Variants in CTBP2 observed in about 807,000 individuals in gnomAD.
CTBP2 encodes the protein C-terminal binding protein 2.
CTBP2 carries 30 observed loss-of-function variants against 80.3 expected under a neutral mutation model. That is an observed-to-expected ratio of 0.37 (90% CI 0.28 to 0.51). The LOEUF (loss-of-function observed/expected upper bound fraction) is 0.51. Ranked by LOEUF, CTBP2 falls within the 20% of genes least tolerant of loss-of-function variation. CTBP2 has a pLI of 0.93. For synonymous variants in CTBP2, 594 were observed against 587.4 expected (o/e 1.01, Z -0.16); for missense variants, 1,212 against 1,375.3 (o/e 0.88, Z 1.88).
At chr10:124,995,758 C>T (rs923246719) in intron 4 of CTBP2, among the ~76,000 whole-genome samples, 2 of 152,222 alleles carry the variant, frequency 1.3e-5, no homozygotes, top group Non-Finnish European at 2.9e-5. Flanking sequence ...TCACCCTTTA[C>T]AGCAGGCAGG....
At chr10:125,150,855 G>A (rs1859709358) in intron 1 of CTBP2, among the ~76,000 whole-genome samples, 1 of 149,378 alleles carries the variant, frequency 6.7e-6, no homozygotes, top group African/African-American at 2.5e-5. Flanking sequence ...CTCCTGTTTG[G>A]AAGCCTGAGG....
intron 2 of CTBP2, among the ~76,000 whole-genome samples, chr10:125,063,597 G>A (rs1844170138): frequency 6.6e-6 from 1 of 152,150 alleles, no homozygotes; most frequent in African/African-American, 2.4e-5. Context: ...AAAATTAATT[G>A]CCACATAAAA....
chr10:125,154,112 C>A (rs897172661), intron 1 of CTBP2, among the ~76,000 whole-genome samples: 3 of 152,214 alleles, frequency 2.0e-5, no homozygotes, highest in African/African-American at 7.2e-5. Context: ...TGTTTTAATG[C>A]AAGAAGCACA....
upstream of CTBP2, chr10:125,032,744 G>C (rs912083150): frequency 1.9e-5 from 3 of 154,818 alleles, 1 homozygote; most frequent in Admixed American, 2.0e-4. Flanking sequence ...CAATGGTGAT[G>C]GACGGCTGGC....
chr10:125,115,999 A>C (rs1322242635), intron 1 of CTBP2, among the ~76,000 whole-genome samples: 1 of 152,158 alleles, frequency 6.6e-6, no homozygotes, highest in African/African-American at 2.4e-5. Context: ...TGCAACATCA[A>C]CTATGACCTC....
At chr10:125,064,647 T>C (rs1844354124) in intron 2 of CTBP2, among the ~76,000 whole-genome samples, 1 of 152,240 alleles carries the variant, frequency 6.6e-6, no homozygotes, top group South Asian at 2.1e-4. Context: ...TCAGGACAAC[T>C]TGAAATAAAA....
chr10:125,094,740 C>T (rs1369842255), intron 2 of CTBP2, among the ~76,000 whole-genome samples: 2 of 152,176 alleles, frequency 1.3e-5, no homozygotes, highest in African/African-American at 2.4e-5. Context: ...AATGAAGAAC[C>T]ACCAGACCCA....
chr10:125,005,618 A>T (rs1313991276), intron 1 of CTBP2: 1 of 1,612,920 alleles, frequency 6.2e-7, no homozygotes, highest in African/African-American at 1.3e-5. Flanking sequence ...CTCATCCGCG[A>T]GATCCGCAAC....
chr10:125,099,112 T>C (rs951913470), intron 2 of CTBP2, among the ~76,000 whole-genome samples: 6 of 152,208 alleles, frequency 3.9e-5, no homozygotes, highest in Admixed American at 2.0e-4. Flanking sequence ...CACAGGTTTA[T>C]ACCAACATCT....
chr10:125,059,606 C>T lies in CTBP2; in HGVS notation c.-101-20451G>A, dbSNP rs193139483. Among the ~76,000 whole-genome samples, 231 of 152,224 alleles carry T rather than the reference C, an allele frequency of 1.5e-3. 1 individual carries two copies. Among genetic ancestry groups the T allele is most frequent in the African/African-American group, 5.3e-3 (219 of 41,536 alleles). ...TTACTCCAGACCCAAGGCTTGTCAC[C>T]ACCAACCCATCCTGATCCACACCTG... On this transcript the variant is annotated intron_variant, in intron 2 of 10. Coordinates refer to the CTBP2 transcript ENST00000337195.
chr10:125,046,843 C>G (rs1043035422), intron 2 of CTBP2, among the ~76,000 whole-genome samples: 6 of 152,208 alleles, frequency 3.9e-5, no homozygotes, highest in African/African-American at 1.4e-4. Flanking sequence ...AGTAAATCCT[C>G]CCGTTTTGGT....
At chr10:125,119,173 G>C (rs1853884865) in intron 1 of CTBP2, among the ~76,000 whole-genome samples, 1 of 152,186 alleles carries the variant, frequency 6.6e-6, no homozygotes, top group African/African-American at 2.4e-5. Context: ...GGTGAGCAGA[G>C]GGGTCTTCAG....
intron 1 of CTBP2, among the ~76,000 whole-genome samples, chr10:125,137,265 T>A (rs1857113120): frequency 6.6e-6 from 1 of 151,968 alleles, no homozygotes; most frequent in Non-Finnish European, 1.5e-5. Flanking sequence ...GAGTCAAGAG[T>A]CCCTTCTGGG....
chr10:125,079,451 C>T (rs139465292), intron 2 of CTBP2, among the ~76,000 whole-genome samples: 86 of 152,302 alleles, frequency 5.6e-4, no homozygotes, highest in Non-Finnish European at 1.0e-3. Context: ...TTCAGTCCTG[C>T]GAATGCCATA....
intron 3 of CTBP2, chr10:124,999,138 A>C (rs1286142476): frequency 6.6e-6 from 1 of 152,320 alleles, no homozygotes; most frequent in Non-Finnish European, 1.5e-5. Context: ...GGGCCGAGCC[A>C]GGGGCGGGGC....
intron 1 of CTBP2, among the ~76,000 whole-genome samples, chr10:125,137,777 C>A (rs963967762): frequency 6.6e-6 from 1 of 152,214 alleles, no homozygotes; most frequent in Admixed American, 6.5e-5. Flanking sequence ...ACCTCCACCA[C>A]GTTCTTTTTC....
intron 1 of CTBP2, among the ~76,000 whole-genome samples, chr10:125,158,214 AC>A: frequency 6.6e-6 from 1 of 152,286 alleles, no homozygotes; most frequent in East Asian, 1.9e-4. Flanking sequence ...CATGAAAACT[AC>A]CCACTTCTAC....
chr10:125,005,164 G>A (rs1437425479), intron 1 of CTBP2, among the ~76,000 whole-genome samples: 2 of 152,194 alleles, frequency 1.3e-5, no homozygotes, highest in African/African-American at 4.8e-5. Flanking sequence ...ATGGAAGGCC[G>A]TGCTCGGCCA....
chr10:125,127,680 T>C (rs1402215130), intron 1 of CTBP2, among the ~76,000 whole-genome samples: 4 of 152,182 alleles, frequency 2.6e-5, no homozygotes, highest in African/African-American at 9.7e-5. Context: ...GCCTGGCATC[T>C]GTTGGCAGCC....
Sources: gnomAD v4.1 joint callset for allele counts (sites outside exome capture counted in the v4.1 genomes callset) on GRCh38, gnomAD v4.1.1 for gene constraint, MANE v1.5 for transcripts, NCBI Gene and HGNC (gene_info 2026-07-23, HGNC 2026-07-21) for gene names.